The following ZNF143 variants were observed in gnomAD, a reference collection of about 807,000 sequenced individuals.
The protein encoded by ZNF143 is zinc finger protein 143.
ZNF143 carries 49 observed loss-of-function variants against 74.1 expected under a neutral mutation model. The ratio of observed to expected loss-of-function variants is 0.66; its 90% CI spans 0.53 to 0.84. ZNF143 has a LOEUF of 0.84. Among genes scored for constraint, ZNF143 ranks in the 40% least tolerant of loss-of-function variants. The pLI is 0.00. For missense variants in ZNF143, 637 were observed against 793.4 expected, an observed-to-expected ratio of 0.80 and a Z score of 2.37; for synonymous variants, 304 against 282.8, an observed-to-expected ratio of 1.07 and a Z score of -0.75.
intron 5 of ZNF143, among the ~76,000 whole-genome samples, chr11:9,475,694 C>T (rs982485059): frequency 6.6e-6 from 1 of 152,012 alleles, no homozygotes; most frequent in Non-Finnish European, 1.5e-5. Flanking sequence ...GGTTTGAGAC[C>T]AGCCTGGCCA....
chr11:9,479,635 C>G (rs1414965759), intron 7 of ZNF143, 89 bp downstream of exon 7: 1 of 1,038,924 alleles, frequency 9.6e-7, no homozygotes, highest in Non-Finnish European at 1.4e-6. Flanking sequence ...AACTCACTAC[C>G]TCTCTAGGAA....
At chr11:9,515,946 C>T (rs1848708679) in intron 13 of ZNF143, among the ~76,000 whole-genome samples, 2 of 151,934 alleles carry the variant, frequency 1.3e-5, no homozygotes, top group South Asian at 4.2e-4. Context: ...GATTGCATCA[C>T]TGCCCTCCAG....
intron 6 of ZNF143, 143 bp from the exon 7 acceptor site, chr11:9,479,329 A>T (rs950976047): frequency 3.9e-6 from 2 of 513,530 alleles, no homozygotes; most frequent in Non-Finnish European, 3.2e-6. Context: ...TCAAATATAC[A>T]CAAAAATAAA....
chr11:9,465,400 T>C (rs184678524), intron 1 of ZNF143, among the ~76,000 whole-genome samples: 6,196 of 152,190 alleles, frequency 0.041, 408 homozygotes, highest in African/African-American at 0.13. Flanking sequence ...TTGGCCAGGC[T>C]GGTCTTGAAC....
chr11:9,502,747 C>G (rs1287460970), intron 11 of ZNF143, among the ~76,000 whole-genome samples: 2 of 152,086 alleles, frequency 1.3e-5, no homozygotes, highest in African/African-American at 4.8e-5. Context: ...TTTCCCCACC[C>G]CGCCCCCCAG....
intron 14 of ZNF143, among the ~76,000 whole-genome samples, chr11:9,519,064 A>C (rs551413202): frequency 6.6e-6 from 1 of 152,334 alleles, no homozygotes; most frequent in Admixed American, 6.5e-5. Flanking sequence ...TTACAATTCA[A>C]TGAGTTATGT....
At chr11:9,502,743 C>A (rs1044985094) in intron 11 of ZNF143, among the ~76,000 whole-genome samples, 6 of 152,000 alleles carry the variant, frequency 3.9e-5, no homozygotes, top group African/African-American at 1.5e-4. Context: ...GTCCTTTCCC[C>A]ACCCCGCCCC....
chr11:9,520,627 C>T (rs1848889588), intron 14 of ZNF143, among the ~76,000 whole-genome samples: 1 of 151,964 alleles, frequency 6.6e-6, no homozygotes, highest in Non-Finnish European at 1.5e-5. Flanking sequence ...CCTGGCTCTA[C>T]TAAAAATACA....
intron 10 of ZNF143, among the ~76,000 whole-genome samples, chr11:9,499,762 G>A (rs1365161209): frequency 6.6e-6 from 1 of 152,146 alleles, no homozygotes; most frequent in Non-Finnish European, 1.5e-5. Flanking sequence ...ATCTGTATCT[G>A]TCTATATAAA....
chr11:9,465,646 C>G (rs1034809495), intron 1 of ZNF143, among the ~76,000 whole-genome samples: 1 of 150,628 alleles, frequency 6.6e-6, no homozygotes, highest in Non-Finnish European at 1.5e-5. Flanking sequence ...ACTATAGGCG[C>G]CCGCCACCAC....
At chr11:9,473,048 C>G (rs1856677332) in intron 3 of ZNF143, among the ~76,000 whole-genome samples, 1 of 150,972 alleles carries the variant, frequency 6.6e-6, no homozygotes, top group Non-Finnish European at 1.5e-5. Flanking sequence ...TTTCTTGCTT[C>G]TTTACCTTGG....
At chr11:9,477,290 C>T (rs1156424701) in intron 5 of ZNF143, among the ~76,000 whole-genome samples, 1 of 145,916 alleles carries the variant, frequency 6.9e-6, no homozygotes, top group Non-Finnish European at 1.5e-5. Context: ...GAGTCTTGCT[C>T]TGTCACCAGG....
At chr11:9,489,136 T>C (rs1847673884) in intron 7 of ZNF143, among the ~76,000 whole-genome samples, 1 of 152,216 alleles carries the variant, frequency 6.6e-6, no homozygotes, top group Admixed American at 6.5e-5. Context: ...GAGGTTCCTT[T>C]TGTTAGTTGG....
chr11:9,510,187 C>T (rs568304204), intron 12 of ZNF143, among the ~76,000 whole-genome samples: 42 of 149,386 alleles, frequency 2.8e-4, no homozygotes, highest in Admixed American at 9.4e-4. Context: ...TGCAGTGGTG[C>T]GATCTCGGCT....
intron 3 of ZNF143, among the ~76,000 whole-genome samples, chr11:9,473,167 G>A (rs190910960): frequency 8.5e-5 from 13 of 152,194 alleles, no homozygotes; most frequent in African/African-American, 3.1e-4. Context: ...GAGGCGGGCA[G>A]ATCACCTGAG....
chr11:9,464,086 T>TTGTGTG lies in ZNF143; in HGVS notation c.-8+3034_-8+3039dup, dbSNP rs144501900. Among the ~76,000 whole-genome samples, 607 of 124,114 alleles carry TTGTGTG rather than the reference T, an allele frequency of 4.9e-3. 2 individuals carry two copies. Among genetic ancestry groups the TTGTGTG allele is most frequent in the Middle Eastern group, 0.017 (4 of 234 alleles). 81.4% of individuals were successfully genotyped at this position (124,114 alleles called of 152,430 possible). A position where few individuals can be genotyped will look rare whatever the true frequency, so the allele number is the denominator to read the frequency against. ...ATTTAGGGATGTCGTGTGTGTGTGT[T>TTGTGTG]TGTGTGTGTGTGTGTGTGTGTGTGT... On this transcript the variant is annotated intron_variant, in intron 1 of 15. Transcript: ENST00000396602.
In ZNF143 at chr11:9,527,739, C is replaced by G. The variant is rs1250742832; in HGVS notation, c.*126C>G. Reference sequence around the variant, plus strand: ...CTGATACACTGTACACATTTTTATGCGAGAGTGGAGAACATTTTATTCTTG... The same window carrying G: ...CTGATACACTGTACACATTTTTATGGGAGAGTGGAGAACATTTTATTCTTG... On this transcript the variant is annotated 3_prime_UTR_variant, in exon 16 of 16. Transcript: ENST00000396602. The G allele has an allele frequency of 1.3e-6, 1 of 767,990 alleles. No individual in the cohort carries two copies. Among genetic ancestry groups the G allele is most frequent in the African/African-American group, 1.7e-5 (1 of 57,182 alleles). 47.6% of individuals were successfully genotyped at this position (767,990 alleles called of 1,614,324 possible).
At chr11:9,488,451 C>G (rs769871333) in intron 7 of ZNF143, among the ~76,000 whole-genome samples, 1 of 152,126 alleles carries the variant, frequency 6.6e-6, no homozygotes, top group Non-Finnish European at 1.5e-5. Context: ...ATAATACTCT[C>G]ATGTTGTTTC....
intron 3 of ZNF143, among the ~76,000 whole-genome samples, chr11:9,473,363 C>A (rs1206737568): frequency 6.7e-6 from 1 of 150,032 alleles, no homozygotes; most frequent in Non-Finnish European, 1.5e-5. Context: ...TGCACTCCGG[C>A]CTGGGCAACT....
Sources: gnomAD v4.1 joint callset for allele counts (sites outside exome capture counted in the v4.1 genomes callset) on GRCh38, gnomAD v4.1.1 for gene constraint, MANE v1.5 for transcripts, NCBI Gene and HGNC (gene_info 2026-07-23, HGNC 2026-07-21) for gene names.